The following SCN8A variants were observed in gnomAD, a reference collection of about 807,000 sequenced individuals.
SCN8A encodes sodium channel protein type 8 subunit alpha.
SCN8A carries 30 observed loss-of-function variants against 184.1 expected under a neutral mutation model. The observed-to-expected ratio is 0.16, with a 90% CI of 0.12 to 0.22. The LOEUF (loss-of-function observed/expected upper bound fraction) is 0.22, where lower values mean the gene tolerates loss of function less well. Ranked by LOEUF, SCN8A falls within the 10% of genes least tolerant of loss-of-function variation. SCN8A has a pLI of 1.00. For missense variants in SCN8A, 1,057 were observed against 2,498.9 expected, an observed-to-expected ratio of 0.42 and a Z score of 12.30; for synonymous variants, 852 against 907.0, an observed-to-expected ratio of 0.94 and a Z score of 1.09.
In SCN8A at chr12:51,808,103, A is replaced by T. The variant is rs1938770461; in HGVS notation, c.*674A>T. The T allele has an allele frequency of 6.1e-6, 1 of 164,940 alleles. No individual in the cohort carries two copies. Among genetic ancestry groups the T allele is most frequent in the Non-Finnish European group, 1.3e-5 (1 of 74,654 alleles). The allele number at this position is 164,940 out of a possible 1,614,324, so 10.2% of individuals were successfully genotyped here. On this transcript the variant is annotated 3_prime_UTR_variant, in exon 27 of 27. Transcript: ENST00000627620. ...TGCATGATGGCATGCCGTGATCAGA[A>T]GTCATGCATGAGATCCATACACCAC...
intron 1 of SCN8A, among the ~76,000 whole-genome samples, chr12:51,619,987 G>A (rs1939925524): frequency 6.6e-6 from 1 of 152,144 alleles, no homozygotes; most frequent in South Asian, 2.1e-4. Context: ...TGGAATAGAA[G>A]CCCTGCAAAA....
chr12:51,721,116 T>A (rs1183283824), intron 11 of SCN8A, among the ~76,000 whole-genome samples: 1,955 of 102,526 alleles, frequency 0.019, 39 homozygotes, highest in Non-Finnish European at 0.027. Context: ...TAATATTTAT[T>A]TATTGTTATA....
At chr12:51,715,069 G>A (rs1458288168) in intron 11 of SCN8A, among the ~76,000 whole-genome samples, 2 of 152,212 alleles carry the variant, frequency 1.3e-5, no homozygotes, top group Admixed American at 6.5e-5. Context: ...TCAGGATGTA[G>A]CTCCTTAGGG....
At chr12:51,721,429 G>C in intron 11 of SCN8A, 117 bp from the exon 12 acceptor site, 1 of 1,067,614 alleles carries the variant, frequency 9.4e-7, no homozygotes, top group African/African-American at 1.6e-5. Context: ...CTTGTGTTCT[G>C]ATCACAGGAG....
chr12:51,737,639 G>A (rs1316047454), intron 12 of SCN8A, among the ~76,000 whole-genome samples: 2 of 152,188 alleles, frequency 1.3e-5, no homozygotes, highest in East Asian at 3.8e-4. Context: ...CCCCAAGTAG[G>A]AGTAGGGAGT....
intron 1 of SCN8A, among the ~76,000 whole-genome samples, chr12:51,626,609 T>C (rs566762261): frequency 6.6e-6 from 1 of 152,128 alleles, no homozygotes; most frequent in Admixed American, 6.5e-5. Context: ...TGCTAGTCTT[T>C]GAAGATTACA....
chr12:51,795,779 C>T (rs1592168013), intron 26 of SCN8A, among the ~76,000 whole-genome samples: 2 of 151,950 alleles, frequency 1.3e-5, no homozygotes, highest in East Asian at 1.9e-4. Context: ...GGTGCAGTGG[C>T]GCGTGCCTGT....
Position 51,667,807 on chromosome 12 carries a change from G to A in SCN8A, c.276+4714G>A, listed in dbSNP as rs1260713221. On this transcript the variant is annotated intron_variant, in intron 2 of 26. Coordinates refer to ENST00000627620, the MANE Select transcript of SCN8A (RefSeq NM_001330260.2). The stretch of plus-strand genomic sequence containing the variant: ...GTCTTTTTTGTTTAATGGGTATACC[G>A]TGTTACAATCATATAAACAAAAATT... Among the ~76,000 whole-genome samples the A allele has an allele frequency of 2.0e-5, 3 of 151,986 alleles. No individual in the cohort carries two copies. In the East Asian group the frequency reaches 5.8e-4, roughly 29 times the overall value.
intron 21 of SCN8A, among the ~76,000 whole-genome samples, chr12:51,785,861 G>A (rs1294393442): frequency 6.6e-6 from 1 of 152,292 alleles, no homozygotes; most frequent in African/African-American, 2.4e-5. Context: ...CAAGCAGGGA[G>A]CGACTCTGAT....
At chr12:51,667,000 C>T (rs1300902545) in intron 2 of SCN8A, among the ~76,000 whole-genome samples, 2 of 152,160 alleles carry the variant, frequency 1.3e-5, no homozygotes, top group African/African-American at 2.4e-5. Flanking sequence ...CTTGGTACTT[C>T]GTTCTAATAC....
chr12:51,760,280 A>T (rs1942742766), intron 14 of SCN8A, among the ~76,000 whole-genome samples: 1 of 152,226 alleles, frequency 6.6e-6, no homozygotes, highest in Non-Finnish European at 1.5e-5. Flanking sequence ...TTAAAAAAGC[A>T]ATTCCTTCAC....
At chr12:51,776,415 A>T (rs1056006050) in intron 20 of SCN8A, among the ~76,000 whole-genome samples, 1 of 152,246 alleles carries the variant, frequency 6.6e-6, no homozygotes, top group South Asian at 2.1e-4. Flanking sequence ...GTGGTGCCCA[A>T]CTGGCTCCTG....
intron 11 of SCN8A, among the ~76,000 whole-genome samples, 160 bp from the exon 12 acceptor site, chr12:51,721,386 G>A (rs1292894844): frequency 2.0e-5 from 3 of 152,022 alleles, no homozygotes; most frequent in Non-Finnish European, 4.4e-5. Context: ...ATGAACTGTA[G>A]CAGTCAACAT....
chr12:51,666,260 C>T (rs535721723), intron 2 of SCN8A, among the ~76,000 whole-genome samples: 5 of 152,322 alleles, frequency 3.3e-5, no homozygotes, highest in African/African-American at 1.2e-4. Context: ...AGCATGTTGC[C>T]TTTCCTTCAG....
intron 2 of SCN8A, among the ~76,000 whole-genome samples, chr12:51,670,853 TACTG>T (rs1388815747): frequency 6.6e-6 from 1 of 152,188 alleles, no homozygotes; most frequent in Non-Finnish European, 1.5e-5. Context: ...GATAAATTGT[TACTG>T]AGTGTTTTCT....
At chr12:51,611,020 A>G (rs1286542711) in intron 1 of SCN8A, among the ~76,000 whole-genome samples, 3 of 152,210 alleles carry the variant, frequency 2.0e-5, no homozygotes, top group South Asian at 2.1e-4. Flanking sequence ...TTGGAACTGC[A>G]TTAAATCTAT....
chr12:51,784,407 T>C (rs1324538162), intron 21 of SCN8A, among the ~76,000 whole-genome samples: 4 of 151,878 alleles, frequency 2.6e-5, no homozygotes. Context: ...ATACAAAAAT[T>C]AGCTGGGCAC....
At chr12:51,768,840 C>T in intron 16 of SCN8A, 25 bp from the exon 17 acceptor site, 1 of 1,513,914 alleles carries the variant, frequency 6.6e-7, no homozygotes, top group South Asian at 1.4e-5. Flanking sequence ...GCATTTGTTC[C>T]TTTTTTCCAA....
rs1005910478 is a variant in SCN8A, at chr12:51,770,511, C to T, written c.3491-18C>T. The stretch of plus-strand genomic sequence containing the variant: ...GGCACGTTTCCACGGTCTGACCCGC[C>T]TCTCCCGCTGGTGCCAGGTTGTGTC... On this transcript the variant is annotated intron_variant, in intron 18 of 26. Transcript: ENST00000627620. 5.1e-6 allele frequency: 8 copies of T among 1,572,048 alleles called. No individual in the cohort carries two copies. The highest frequency in any genetic ancestry group is 6.9e-6 in the Non-Finnish European group (8 of 1,157,026).
Sources: allele counts gnomAD v4.1 joint callset (sites outside exome capture counted in the v4.1 genomes callset), GRCh38; gene constraint gnomAD v4.1.1; transcripts MANE v1.5; gene names NCBI Gene and HGNC (gene_info 2026-07-23, HGNC 2026-07-21).